SGTB: variants seen among roughly 807,000 people sequenced by gnomAD.
The protein encoded by SGTB is small glutamine-rich tetratricopeptide repeat-containing protein beta.
A neutral mutation model predicts 43.9 loss-of-function variants in SGTB; 19 were observed. The ratio of observed to expected loss-of-function variants is 0.43; its 90% confidence interval spans 0.30 to 0.63. The LOEUF (loss-of-function observed/expected upper bound fraction) is 0.63. Ranked by LOEUF, SGTB falls within the 30% of genes least tolerant of loss-of-function variation. The pLI, the probability that SGTB is intolerant of heterozygous loss-of-function variation, is 0.12. For missense variants in SGTB, 304 were observed against 358.9 expected (o/e 0.85, Z 1.24); for synonymous variants, 116 against 117.3 (o/e 0.99, Z 0.07).
At chr5:65,715,650 G>A (rs1758132637) in intron 2 of SGTB, among the ~76,000 whole-genome samples, 1 of 152,208 alleles carries the variant, frequency 6.6e-6, no homozygotes, top group African/African-American at 2.4e-5. Flanking sequence ...CTAACCTCTT[G>A]GGATTTCCTT....
intron 5 of SGTB, among the ~76,000 whole-genome samples, chr5:65,688,503 A>C (rs964274707): frequency 6.6e-6 from 1 of 152,192 alleles, no homozygotes; most frequent in Non-Finnish European, 1.5e-5. Flanking sequence ...GGATGGAGAG[A>C]GAAAATTTTG....
At chr5:65,681,643 T>C (rs981579375) in intron 6 of SGTB, among the ~76,000 whole-genome samples, 4 of 152,156 alleles carry the variant, frequency 2.6e-5, no homozygotes, top group African/African-American at 9.7e-5. Context: ...AACTCTATGA[T>C]GTATAAGAAT....
intron 2 of SGTB, among the ~76,000 whole-genome samples, chr5:65,714,699 C>T (rs1758115230): frequency 6.6e-6 from 1 of 152,106 alleles, no homozygotes; most frequent in African/African-American, 2.4e-5. Flanking sequence ...CCTGTAATCC[C>T]AGCTACTCGG....
chr5:65,700,206 T>G (rs1757785794), intron 5 of SGTB, among the ~76,000 whole-genome samples: 1 of 152,202 alleles, frequency 6.6e-6, no homozygotes, highest in South Asian at 2.1e-4. Context: ...TCTTATCTTC[T>G]GGGAACTATA....
upstream of SGTB, chr5:65,722,283 G>C: frequency 2.9e-6 from 3 of 1,035,636 alleles, no homozygotes; most frequent in East Asian, 6.3e-5. Context: ...AGGCCGGCTC[G>C]AGACTCCCGG....
At chr5:65,677,350 CAAA>C (rs779583231) in intron 8 of SGTB, among the ~76,000 whole-genome samples, 4 of 98,182 alleles carry the variant, frequency 4.1e-5, no homozygotes, top group Admixed American at 1.1e-4. Flanking sequence ...GCCTACCAAC[CAAA>C]AAAAAAAAAA....
At chr5:65,687,708 T>G (rs1757526411) in intron 5 of SGTB, among the ~76,000 whole-genome samples, 1 of 152,182 alleles carries the variant, frequency 6.6e-6, no homozygotes, top group Non-Finnish European at 1.5e-5. Context: ...AGAGAAGTAA[T>G]GCAAGGAATT....
At chr5:65,704,768 C>CA (rs1419043836) in intron 4 of SGTB, among the ~76,000 whole-genome samples, 2 of 151,698 alleles carry the variant, frequency 1.3e-5, no homozygotes, top group Non-Finnish European at 2.9e-5. Context: ...ATCACCATCT[C>CA]AATCTGGACC....
chr5:65,687,776 T>C (rs1466856960), intron 5 of SGTB, among the ~76,000 whole-genome samples: 1 of 152,186 alleles, frequency 6.6e-6, no homozygotes, highest in Non-Finnish European at 1.5e-5. Context: ...TGTTGTTGTG[T>C]TTGTGTTTTT....
rs1757037336 is a variant in SGTB at position 65,666,330 on chromosome 5, A to G, written c.*3916T>C. On this transcript the variant is annotated 3_prime_UTR_variant, in exon 11 of 11. Transcript: ENST00000381007. ...AGTAAAGATTAAATAATGCCATCTT[A>G]GAAAGGATCTGTTTAACCTATATTA... 6.6e-6 allele frequency: 1 copy of G among 152,206 alleles called. No individual in the cohort carries two copies. The highest frequency in any genetic ancestry group is 2.1e-4 in the South Asian group (1 of 4,836). 9.4% of individuals were successfully genotyped at this position (152,206 alleles called of 1,614,324 possible).
upstream of SGTB, chr5:65,722,369 C>T (rs750788749): frequency 2.3e-5 from 37 of 1,578,884 alleles, no homozygotes; most frequent in African/African-American, 2.8e-5. Flanking sequence ...CCTCTCAGCG[C>T]TCCCATGATC....
In SGTB at chr5:65,712,956, C is replaced by A; in HGVS notation, c.204+5G>T. ...GTTAATAATGAGAAAATAATGACAA[C>A]ATACCTTACAGAAGGAACTGGTAAA... On this transcript the variant is annotated splice_donor_5th_base_variant and intron_variant, in intron 3 of 10. Transcript: ENST00000381007. 6.2e-7 allele frequency: 1 copy of A among 1,606,156 alleles called. No homozygotes were observed.
intron 5 of SGTB, among the ~76,000 whole-genome samples, chr5:65,687,723 G>C (rs1460826755): frequency 6.6e-6 from 1 of 152,198 alleles, no homozygotes; most frequent in Non-Finnish European, 1.5e-5. Flanking sequence ...GGAATTAACT[G>C]AATGACAATG....
chr5:65,671,892 T>C, intron 10 of SGTB, 23 bp downstream of exon 10: 2 of 1,606,964 alleles, frequency 1.2e-6, no homozygotes, highest in Non-Finnish European at 1.7e-6. Context: ...ATCTTCACTA[T>C]TTCTGTTTTA....
intron 5 of SGTB, among the ~76,000 whole-genome samples, chr5:65,686,694 C>G (rs181299966): frequency 6.6e-6 from 1 of 152,126 alleles, no homozygotes; most frequent in East Asian, 1.9e-4. Context: ...TAAAAACAAT[C>G]TTTTTGCTTA....
chr5:65,696,997 A>G (rs1468209306), intron 5 of SGTB, among the ~76,000 whole-genome samples: 4 of 152,212 alleles, frequency 2.6e-5, no homozygotes, highest in Non-Finnish European at 4.4e-5. Flanking sequence ...GATTAGTAAT[A>G]AAATTGTGAA....
chr5:65,699,575 C>T (rs529362434), intron 5 of SGTB, among the ~76,000 whole-genome samples: 9 of 152,154 alleles, frequency 5.9e-5, no homozygotes, highest in Non-Finnish European at 8.8e-5. Context: ...GTTCAGAACC[C>T]CTGCTCTTAA....
At position 65,712,023 on chromosome 5, in the gene SGTB, A is replaced by ACCAT. The variant is rs1410560508; in HGVS notation, c.204+937_204+938insATGG. Among the ~76,000 whole-genome samples the ACCAT allele has an allele frequency of 5.3e-5, 8 of 152,302 alleles. No individual in the cohort carries two copies. The South Asian group carries it at 1.0e-3, about 20-fold the overall frequency. ...AGCACTTTTTGGAGGCCAAGGCAGG[A>ACCAT]CGATGGTTTGAGCCCAGGAGTTCAA... is the stretch of plus-strand genomic sequence containing the variant. On this transcript the variant is annotated intron_variant, in intron 3 of 10. Transcript: ENST00000381007.
At chr5:65,684,018 C>T (rs567205031) in intron 6 of SGTB, among the ~76,000 whole-genome samples, 14 of 151,616 alleles carry the variant, frequency 9.2e-5, no homozygotes, top group Admixed American at 5.9e-4. Flanking sequence ...GGGCAGAGAA[C>T]GAGGAACTGA....
Sources: allele counts gnomAD v4.1 joint callset (sites outside exome capture counted in the v4.1 genomes callset), GRCh38; gene constraint gnomAD v4.1.1; transcripts MANE v1.5; gene names NCBI Gene and HGNC (gene_info 2026-07-23, HGNC 2026-07-21).